PAFAH1B2: variants seen among roughly 807,000 people sequenced by gnomAD.
PAFAH1B2 encodes the protein platelet activating factor acetylhydrolase 1b catalytic subunit 2.
In PAFAH1B2, 8 loss-of-function variants were observed where a neutral mutation model predicts 28.0. The observed-to-expected ratio is 0.29, with a 90% CI of 0.17 to 0.52. The LOEUF is 0.52. Among genes scored for constraint, PAFAH1B2 ranks in the 20% least tolerant of loss-of-function variants. PAFAH1B2 has a pLI of 0.97. For missense variants in PAFAH1B2, 190 were observed against 282.6 expected, an observed-to-expected ratio of 0.67 and a Z score of 2.35; for synonymous variants, 104 against 103.2, an observed-to-expected ratio of 1.01 and a Z score of -0.05.
intron 4 of PAFAH1B2, among the ~76,000 whole-genome samples, chr11:117,162,211 G>C (rs1017067563): frequency 6.6e-6 from 1 of 152,144 alleles, no homozygotes; most frequent in African/African-American, 2.4e-5. Flanking sequence ...ATAGCTCACT[G>C]TAACCTCAAA....
chr11:117,161,966 A>T (rs560414235), intron 4 of PAFAH1B2, among the ~76,000 whole-genome samples: 2 of 152,318 alleles, frequency 1.3e-5, no homozygotes, highest in Admixed American at 6.5e-5. Context: ...TAAACAGGTC[A>T]GTAATCGAGG....
At chr11:117,152,898 C>G (rs148836880) in intron 2 of PAFAH1B2, among the ~76,000 whole-genome samples, 1,624 of 152,256 alleles carry the variant, frequency 0.011, 16 homozygotes, top group South Asian at 0.025. Context: ...TGGTGAAACC[C>G]GTCTCTACTA....
intron 2 of PAFAH1B2, among the ~76,000 whole-genome samples, chr11:117,156,035 A>T (rs1956247546): frequency 6.6e-6 from 1 of 152,098 alleles, no homozygotes; most frequent in South Asian, 2.1e-4. Flanking sequence ...AAATAGAAAA[A>T]AAAATTCACT....
At chr11:117,159,839 T>G in intron 2 of PAFAH1B2, 95 bp from the exon 3 acceptor site, 1 of 825,348 alleles carries the variant, frequency 1.2e-6, no homozygotes, top group East Asian at 2.4e-5. Context: ...TATTCTCCTG[T>G]CCTGGCCTCC....
chr11:117,152,618 G>C, intron 2 of PAFAH1B2, 90 bp downstream of exon 2: 1 of 892,844 alleles, frequency 1.1e-6, no homozygotes, highest in Non-Finnish European at 1.9e-6. Flanking sequence ...AGGTCTCACT[G>C]TGTTGCCCAG....
downstream of PAFAH1B2, among the ~76,000 whole-genome samples, chr11:117,174,020 A>G (rs116419619): frequency 6.8e-3 from 1,030 of 152,022 alleles, 15 homozygotes; most frequent in African/African-American, 0.024. Flanking sequence ...ATTACATGAT[A>G]CTAAAATCTG....
At chr11:117,147,561 C>T (rs1331742682) in intron 1 of PAFAH1B2, among the ~76,000 whole-genome samples, 1 of 152,206 alleles carries the variant, frequency 6.6e-6, no homozygotes, top group African/African-American at 2.4e-5. Context: ...CTAGGTTGTG[C>T]ATTTCCAGCT....
Position 117,145,414 on chromosome 11 carries a change from T to G in PAFAH1B2, c.-8+996T>G, listed in dbSNP as rs1483144902. Among the ~76,000 whole-genome samples the G allele has an allele frequency of 6.7e-5, 10 of 148,848 alleles. No individual in the cohort carries two copies. The East Asian group carries it at 2.0e-3, about 29-fold the overall frequency. On this transcript the variant is annotated intron_variant, in intron 1 of 5. Coordinates refer to ENST00000527958, the MANE Select transcript of PAFAH1B2 (RefSeq NM_002572.4). ...CCGGATCCACCCTAGGACCTCATTT[T>G]GTACAGCTTGAAATTATGGGAAGGG...
intron 1 of PAFAH1B2, among the ~76,000 whole-genome samples, chr11:117,147,136 G>A (rs1956030962): frequency 6.6e-6 from 1 of 152,060 alleles, no homozygotes; most frequent in South Asian, 2.1e-4. Context: ...GGGCATGGTG[G>A]CAGGCACCTG....
At chr11:117,167,391 T>TA in intron 5 of PAFAH1B2, 30 bp from the exon 6 acceptor site, 1 of 1,508,858 alleles carries the variant, frequency 6.6e-7, no homozygotes, top group Non-Finnish European at 8.9e-7. Context: ...AAGTGAATCT[T>TA]CTAATTTAAT....
rs78301136 is a variant in PAFAH1B2, at chr11:117,156,055, G to C, written c.81+3527G>C. Among the ~76,000 whole-genome samples the C allele has an allele frequency of 8.5e-5, 13 of 152,300 alleles. No individual in the cohort carries two copies. In the East Asian group the frequency reaches 2.5e-3, roughly 29 times the overall value. On this transcript the variant is annotated intron_variant, in intron 2 of 5. Transcript: ENST00000527958. ...GAAAAAAAAATTCACTGGGCATGGT[G>C]GTGTGTGCCTGTAGTCCCAGCTACT...
Position 117,144,952 on chromosome 11 carries a change from T to A in PAFAH1B2, c.-8+534T>A, listed in dbSNP as rs145197232. Among the ~76,000 whole-genome samples, 769 of 152,358 alleles carry A rather than the reference T, an allele frequency of 5.0e-3. 7 individuals are homozygous for A. The highest frequency in any genetic ancestry group is 7.0e-3 in the Non-Finnish European group (475 of 68,040). On this transcript the variant is annotated intron_variant, in intron 1 of 5. Coordinates refer to ENST00000527958, the MANE Select transcript of PAFAH1B2 (RefSeq NM_002572.4). The stretch of plus-strand genomic sequence containing the variant: ...ACTCCGTTGTGTTTTTACCGAGCAC[T>A]TTTCCCTCCTCCTTTTGTTGAAAAA...
downstream of PAFAH1B2, among the ~76,000 whole-genome samples, chr11:117,172,622 A>G (rs1211554464): frequency 6.6e-6 from 1 of 152,046 alleles, no homozygotes; most frequent in Admixed American, 6.6e-5. Context: ...TGCCAAGAGC[A>G]CTGAGCTTCC....
chr11:117,163,084 CTT>C (rs553524449), intron 4 of PAFAH1B2, among the ~76,000 whole-genome samples: 70 of 152,302 alleles, frequency 4.6e-4, no homozygotes, highest in African/African-American at 1.6e-3. Context: ...ATAATTCTCT[CTT>C]GTTTCCTCCT....
chr11:117,154,131 G>C (rs572630233), intron 2 of PAFAH1B2, among the ~76,000 whole-genome samples: 32 of 151,252 alleles, frequency 2.1e-4, no homozygotes, highest in African/African-American at 7.5e-4. Context: ...AAAAAAAGAA[G>C]TATACCACAG....
chr11:117,153,411 TCTCA>T (rs1271204663), intron 2 of PAFAH1B2, among the ~76,000 whole-genome samples: 2 of 151,946 alleles, frequency 1.3e-5, no homozygotes, highest in African/African-American at 4.8e-5. Flanking sequence ...TGAGATGGAG[TCTCA>T]CTCTTGCCCA....
chr11:117,167,446 C>T lies in PAFAH1B2; in HGVS notation c.437C>T (p.Pro146Leu). The T allele has an allele frequency of 6.3e-7, 1 of 1,593,786 alleles. No homozygotes were observed. The highest frequency in any genetic ancestry group is 8.6e-7 in the Non-Finnish European group (1 of 1,165,536). The change falls in exon 6 of 6, where the codon CCC becomes CTC. Residue 146 changes from proline to leucine, a missense_variant. Pro to Leu is a moderately conservative substitution (Grantham distance 98). Transcript: ENST00000527958. ...VLGLLPRGEKPNPLRQKNAKV... is the reference protein window; with the variant it reads ...VLGLLPRGEKLNPLRQKNAKV... ...GGTTTGTTACCTCGAGGTGAGAAAC[C>T]CAATCCTTTGAGGCAAAAGAACGCC... is the stretch of plus-strand genomic sequence containing the variant.
Position 117,162,284 on chromosome 11 carries a change from C to A in PAFAH1B2, c.288+1023C>A, listed in dbSNP as rs115437864. Among the ~76,000 whole-genome samples, 964 of 152,188 alleles carry A rather than the reference C, an allele frequency of 6.3e-3. 7 individuals carry two copies. Among genetic ancestry groups the A allele is most frequent in the African/African-American group, 0.022 (903 of 41,506 alleles). Reference sequence around the variant, plus strand: ...AAATAGCTAGGACTGCAGGCATGTGCCACCATGCTTAGCTAATTTTTAAAT... The same window carrying A: ...AAATAGCTAGGACTGCAGGCATGTGACACCATGCTTAGCTAATTTTTAAAT... On this transcript the variant is annotated intron_variant, in intron 4 of 5. Transcript: ENST00000527958.
downstream of PAFAH1B2, among the ~76,000 whole-genome samples, chr11:117,172,861 G>C (rs551014503): frequency 4.6e-5 from 7 of 152,108 alleles, no homozygotes; most frequent in African/African-American, 1.7e-4. Context: ...GTACCACCAC[G>C]CCTGGCTAGT....
Sources: gnomAD v4.1 joint callset for allele counts (sites outside exome capture counted in the v4.1 genomes callset) on GRCh38, gnomAD v4.1.1 for gene constraint, MANE v1.5 for transcripts, NCBI Gene and HGNC (gene_info 2026-07-23, HGNC 2026-07-21) for gene names.